DPP10: variants seen among roughly 807,000 people sequenced by gnomAD.
The protein encoded by DPP10 is dipeptidyl peptidase like 10.
A neutral mutation model predicts 120.9 loss-of-function variants in DPP10; 33 were observed. The observed-to-expected ratio is 0.27, with a 90% CI of 0.21 to 0.37. The LOEUF is 0.37. DPP10 is among the 10% of genes least tolerant of loss of function. The pLI is 1.00. For synonymous variants in DPP10, 337 were observed against 326.1 expected, an observed-to-expected ratio of 1.03 and a Z score of -0.36; for missense variants, 816 against 942.8, an observed-to-expected ratio of 0.87 and a Z score of 1.76.
At chr2:115,820,666 A>G (rs1687718120) in intron 21 of DPP10, among the ~76,000 whole-genome samples, 1 of 152,024 alleles carries the variant, frequency 6.6e-6, no homozygotes, top group Non-Finnish European at 1.5e-5. Flanking sequence ...TCCACTTATG[A>G]GTGAGAATAT....
At chr2:115,661,951 A>G (rs182676055) in intron 5 of DPP10, among the ~76,000 whole-genome samples, 1 of 152,276 alleles carries the variant, frequency 6.6e-6, no homozygotes, top group Non-Finnish European at 1.5e-5. Flanking sequence ...AGTGTTGTGC[A>G]TTAGGTCTCT....
chr2:115,491,579 T>C (rs35511048), intron 3 of DPP10, among the ~76,000 whole-genome samples: 42,299 of 151,862 alleles, frequency 0.28, 6,629 homozygotes, highest in East Asian at 0.41. Context: ...AGACATCTCT[T>C]CAGCCAGGAG....
At chr2:115,780,760 T>C (rs1682657712) in intron 15 of DPP10, 114 bp from the exon 16 acceptor site, 1 of 946,896 alleles carries the variant, frequency 1.1e-6, no homozygotes, top group African/African-American at 1.7e-5. Flanking sequence ...AGTGAACCTC[T>C]ATGCAAGCAC....
chr2:115,235,306 G>A (rs115214517), intron 1 of DPP10, among the ~76,000 whole-genome samples: 9,414 of 152,062 alleles, frequency 0.062, 328 homozygotes, highest in Middle Eastern at 0.11. Flanking sequence ...ATAATAAAGA[G>A]GACTTTGCCT....
intron 1 of DPP10, among the ~76,000 whole-genome samples, chr2:114,746,852 T>A (rs1678627787): frequency 6.6e-6 from 1 of 152,206 alleles, no homozygotes; most frequent in Admixed American, 6.5e-5. Context: ...TTCAGCTGCC[T>A]CATGCCCCCT....
At chr2:115,188,518 T>A (rs2054633082) in intron 1 of DPP10, among the ~76,000 whole-genome samples, 1 of 152,242 alleles carries the variant, frequency 6.6e-6, no homozygotes, top group East Asian at 1.9e-4. Context: ...TATTTTAGGG[T>A]CTCTCAAGAA....
At chr2:114,979,665 G>A (rs2104845638) in intron 1 of DPP10, among the ~76,000 whole-genome samples, 1 of 152,146 alleles carries the variant, frequency 6.6e-6, no homozygotes, top group Admixed American at 6.5e-5. Context: ...CACCAAGTGA[G>A]ATTTACTCAG....
At chr2:114,749,762 A>G (rs1214351982) in intron 1 of DPP10, among the ~76,000 whole-genome samples, 3 of 151,886 alleles carry the variant, frequency 2.0e-5, no homozygotes, top group Admixed American at 6.6e-5. Flanking sequence ...TTTAAATATC[A>G]AAAAATACAT....
At chr2:115,333,265 C>G (rs1206035741) in intron 2 of DPP10, among the ~76,000 whole-genome samples, 2 of 151,888 alleles carry the variant, frequency 1.3e-5, no homozygotes, top group Admixed American at 1.3e-4. Context: ...TTTTTGTTTT[C>G]CATTTGCTTG....
chr2:114,969,222 G>C (rs1699236292), intron 1 of DPP10, among the ~76,000 whole-genome samples: 1 of 152,056 alleles, frequency 6.6e-6, no homozygotes, highest in Non-Finnish European at 1.5e-5. Context: ...TATTACTCTT[G>C]AATTATTACA....
chr2:115,374,346 A>G (rs974485847), intron 3 of DPP10, among the ~76,000 whole-genome samples: 2 of 152,122 alleles, frequency 1.3e-5, no homozygotes, highest in Non-Finnish European at 2.9e-5. Context: ...GGCCACACTG[A>G]TACAAGAAGT....
chr2:114,474,873 C>T (rs891711173), intron 1 of DPP10, among the ~76,000 whole-genome samples: 1 of 152,164 alleles, frequency 6.6e-6, no homozygotes. Context: ...GGGCTGCAAA[C>T]CCTAAGAGAT....
At chr2:115,071,616 A>G (rs1202380658) in intron 1 of DPP10, among the ~76,000 whole-genome samples, 2 of 152,088 alleles carry the variant, frequency 1.3e-5, no homozygotes, top group African/African-American at 4.8e-5. Context: ...TAATTTCCCT[A>G]GGGAGGAACT....
chr2:115,529,884 CTTATTT>C (rs1237893996), intron 5 of DPP10, among the ~76,000 whole-genome samples: 1 of 152,030 alleles, frequency 6.6e-6, no homozygotes, highest in Non-Finnish European at 1.5e-5. Flanking sequence ...GCTTTTTCAT[CTTATTT>C]TTAAATAGTA....
At chr2:115,752,033 C>T (rs992844490) in intron 10 of DPP10, among the ~76,000 whole-genome samples, 3 of 152,144 alleles carry the variant, frequency 2.0e-5, no homozygotes, top group Non-Finnish European at 2.9e-5. Context: ...CTGCTGACGT[C>T]GTGATCCACA....
At chr2:115,659,950 A>T (rs1318247894) in intron 5 of DPP10, among the ~76,000 whole-genome samples, 3 of 152,206 alleles carry the variant, frequency 2.0e-5, no homozygotes. Context: ...CTCACAAAGA[A>T]GCCACAAATG....
At chr2:114,952,412 GA>G (rs1325755109) in intron 1 of DPP10, among the ~76,000 whole-genome samples, 1 of 152,188 alleles carries the variant, frequency 6.6e-6, no homozygotes, top group African/African-American at 2.4e-5. Flanking sequence ...TAACATGTTA[GA>G]TACAGTATGA....
chr2:115,817,337 T>C (rs1227786890), intron 21 of DPP10, among the ~76,000 whole-genome samples: 1 of 152,186 alleles, frequency 6.6e-6, no homozygotes, highest in Non-Finnish European at 1.5e-5. Context: ...GTTCATGGAT[T>C]TAAACATATG....
At chr2:115,749,375 T>A (rs150968366) in intron 10 of DPP10, among the ~76,000 whole-genome samples, 12 of 152,278 alleles carry the variant, frequency 7.9e-5, no homozygotes, top group African/African-American at 2.9e-4. Context: ...TTACTCTATG[T>A]CCTTAGCATT....
Sources: allele counts gnomAD v4.1 joint callset (sites outside exome capture counted in the v4.1 genomes callset), GRCh38; gene constraint gnomAD v4.1.1; transcripts MANE v1.5; gene names NCBI Gene and HGNC (gene_info 2026-07-23, HGNC 2026-07-21).